POP1: variants seen among roughly 807,000 people sequenced by gnomAD.
The protein encoded by POP1 is ribonucleases P/MRP protein subunit POP1.
In POP1, 75 loss-of-function variants were observed where a neutral mutation model predicts 102.2. The observed-to-expected ratio is 0.73, with a 90% CI of 0.61 to 0.89. POP1 has a LOEUF of 0.89. Ranked by LOEUF, POP1 falls within the 40% of genes least tolerant of loss-of-function variation. The pLI is 0.00. For missense variants in POP1, 1,116 were observed against 1,267.4 expected (o/e 0.88, Z 1.81); for synonymous variants, 436 against 464.1 (o/e 0.94, Z 0.78).
intron 5 of POP1, 132 bp from the exon 6 acceptor site, chr8:98,133,816 TA>T (rs1400501055): frequency 1.3e-6 from 1 of 762,794 alleles, no homozygotes; most frequent in African/African-American, 1.7e-5. Flanking sequence ...GATTTTGACT[TA>T]TGAGAACATA....
chr8:98,150,790 C>T (rs1809494451), intron 14 of POP1, 151 bp downstream of exon 14: 2 of 822,406 alleles, frequency 2.4e-6, no homozygotes, highest in Admixed American at 2.7e-5. Context: ...GAAGATATTA[C>T]TTAAGTGAGG....
chr8:98,158,474 G>A lies in POP1; in HGVS notation c.*203G>A, dbSNP rs1474280489. Reference sequence around the variant, plus strand: ...ATTTTCATCTTTCCCTGTCCTTGCTGTAATACTTTTAAATTATTTGGCCAA... The same window carrying A: ...ATTTTCATCTTTCCCTGTCCTTGCTATAATACTTTTAAATTATTTGGCCAA... On this transcript the variant is annotated 3_prime_UTR_variant, in exon 16 of 16. Coordinates refer to ENST00000401707, the MANE Select transcript of POP1 (RefSeq NM_001145860.2). 3.2e-6 allele frequency: 2 copies of A among 619,968 alleles called. No individual in the cohort carries two copies. Among genetic ancestry groups the A allele is most frequent in the African/African-American group, 3.7e-5 (2 of 54,196 alleles). 38.4% of individuals were successfully genotyped at this position (619,968 alleles called of 1,614,324 possible).
chr8:98,132,906 C>CA (rs11308385), intron 5 of POP1, among the ~76,000 whole-genome samples: 145 of 12,272 alleles, frequency 0.012, 14 homozygotes, highest in Non-Finnish European at 0.014. Flanking sequence ...TCTGTCTCTG[C>CA]AAAAAAAAAA....
In POP1 at chr8:98,128,490, CACA is replaced by C. The variant is rs778704972; in HGVS notation, c.439_441del (p.Asn147del). 2 of 1,613,984 alleles carry C rather than the reference CACA, an allele frequency of 1.2e-6. No individual in the cohort carries two copies. The highest frequency in any genetic ancestry group is 1.7e-6 in the Non-Finnish European group (2 of 1,179,890). On this transcript the variant is annotated inframe_deletion, in exon 4 of 16. Transcript: ENST00000401707. The stretch of plus-strand genomic sequence containing the variant: ...GCACATGCGACGAAGAGCCATGAGC[CACA>C]ACGTCAAACGCCTTCCCAGACGGTT...
intron 14 of POP1, 111 bp from the exon 15 acceptor site, chr8:98,155,939 G>T (rs1586253957): frequency 2.3e-6 from 2 of 864,290 alleles, no homozygotes; most frequent in East Asian, 5.4e-5. Flanking sequence ...GTGTGTGTGT[G>T]TGTGTGTGTG....
intron 7 of POP1, 78 bp from the exon 8 acceptor site, chr8:98,136,401 TAAA>T: frequency 9.0e-7 from 1 of 1,107,488 alleles, no homozygotes; most frequent in Non-Finnish European, 1.2e-6. Context: ...TAAAGAGATT[TAAA>T]AAAAAAAACC....
chr8:98,153,718 AG>A (rs1438713213), intron 14 of POP1, among the ~76,000 whole-genome samples: 1 of 151,564 alleles, frequency 6.6e-6, no homozygotes, highest in Non-Finnish European at 1.5e-5. Flanking sequence ...TTGTATTTTT[AG>A]TAGAAATCAG....
chr8:98,123,488 C>T lies in POP1; in HGVS notation c.142+9C>T. The T allele has an allele frequency of 1.2e-6, 2 of 1,612,472 alleles. No homozygotes were observed. Among genetic ancestry groups the T allele is most frequent in the Non-Finnish European group, 8.5e-7 (1 of 1,178,972 alleles). ...CCAAGCTCAAAAACAAGGTAAAATA[C>T]ACATAAGAGACCAGGCATGGTGGCT... On this transcript the variant is annotated intron_variant, in intron 2 of 15. Transcript: ENST00000401707.
At position 98,157,505 on chromosome 8, in the gene POP1, T is replaced by C. The variant is rs945484363; in HGVS notation, c.2421-112T>C. 11 of 1,273,516 alleles carry C rather than the reference T, an allele frequency of 8.6e-6. No homozygotes were observed. The African/African-American group carries it at 1.2e-4, about 14-fold the overall frequency. 78.9% of individuals were successfully genotyped at this position (1,273,516 alleles called of 1,614,324 possible). A position where few individuals can be genotyped will look rare whatever the true frequency, so the allele number is the denominator to read the frequency against. ...AATTTTTAAAAAATTGTAGTTTTGATTCTTATATAGTATAAAAGAATCAAA... is the reference window on the plus strand; with the variant it reads ...AATTTTTAAAAAATTGTAGTTTTGACTCTTATATAGTATAAAAGAATCAAA... On this transcript the variant is annotated intron_variant, in intron 15 of 15. Coordinates refer to ENST00000401707, the MANE Select transcript of POP1 (RefSeq NM_001145860.2).
chr8:98,133,975 G>C lies in POP1; in HGVS notation c.762G>C (p.Glu254Asp), dbSNP rs758212536. 2 of 1,613,382 alleles carry C rather than the reference G, an allele frequency of 1.2e-6. No individual in the cohort carries two copies. Among genetic ancestry groups the C allele is most frequent in the Non-Finnish European group, 1.7e-6 (2 of 1,179,466 alleles). ...ATTTATCCTATTACTGTTGTTTGGA[G>C]TTGAAAGGCAAAGAGGAAGAAATAC... ...LQDLSYYCCL[E>D]LKGKEEEILK... The change falls in exon 6 of 16, where the codon GAG (glutamate) becomes GAC (aspartate). Residue 254 changes from glutamate to aspartate, a missense_variant. By Grantham distance (45) the Glu-to-Asp change is conservative. Transcript: ENST00000401707.
chr8:98,118,156 C>T (rs1268934976), intron 1 of POP1, among the ~76,000 whole-genome samples: 3 of 152,166 alleles, frequency 2.0e-5, no homozygotes, highest in African/African-American at 7.2e-5. Context: ...TTCCTACTTC[C>T]GGCTCAGGAA....
chr8:98,120,006 C>T (rs559461820), intron 1 of POP1, among the ~76,000 whole-genome samples: 2 of 152,324 alleles, frequency 1.3e-5, no homozygotes, highest in Non-Finnish European at 2.9e-5. Flanking sequence ...CAGGGATGTT[C>T]CCAAGGTTAT....
intron 1 of POP1, among the ~76,000 whole-genome samples, chr8:98,122,367 A>G (rs554187336): frequency 3.3e-5 from 5 of 152,328 alleles, no homozygotes; most frequent in African/African-American, 1.2e-4. Flanking sequence ...TATAGGTAGA[A>G]GTAAAGACTG....
chr8:98,130,306 G>A, intron 5 of POP1, 80 bp downstream of exon 5: 2 of 1,563,878 alleles, frequency 1.3e-6, no homozygotes, highest in Non-Finnish European at 1.8e-6. Flanking sequence ...TTTATGATGT[G>A]CCAAGCCCCG....
At chr8:98,155,879 A>C in intron 14 of POP1, 171 bp from the exon 15 acceptor site, 43 of 681,158 alleles carry the variant, frequency 6.3e-5, no homozygotes, top group East Asian at 1.3e-4. Flanking sequence ...CCAGCCTATT[A>C]TTCTTTATCA....
chr8:98,148,925 T>C lies in POP1; in HGVS notation c.1821T>C (p.Thr607=). ...ILLIQQPGKV[T]GEDRLGWGSG... ...TGATTCAGCAGCCAGGAAAAGTGAC[T>C]GGTGAAGATCGACTAGGCTGGGGAA... The change falls in exon 13 of 16, where the codon ACT becomes ACC. Residue 607 remains threonine (T), a synonymous_variant. Transcript: ENST00000401707. 1 of 1,613,970 alleles carries C rather than the reference T, an allele frequency of 6.2e-7. No individual in the cohort carries two copies. Among genetic ancestry groups the C allele is most frequent in the Non-Finnish European group, 8.5e-7 (1 of 1,179,898 alleles).
intron 14 of POP1, among the ~76,000 whole-genome samples, chr8:98,153,531 C>CCCTTTTTTTT (rs1430760385): frequency 3.9e-4 from 32 of 81,226 alleles, no homozygotes; most frequent in African/African-American, 1.2e-3. Flanking sequence ...ACAGTTCTGA[C>CCCTTTTTTTT]TCTTTTTTTT....
Position 98,128,267 on chromosome 8 carries a change from T to G in POP1, c.311-98T>G. 2.6e-6 allele frequency: 3 copies of G among 1,171,346 alleles called. No individual in the cohort carries two copies. In the South Asian group the frequency reaches 3.8e-5, roughly 15 times the overall value. The allele number at this position is 1,171,346 out of a possible 1,614,324, so 72.6% of individuals were successfully genotyped here. A position where few individuals can be genotyped will look rare whatever the true frequency, so the allele number is the denominator to read the frequency against. ...CTTTCTGGTCTCTCTTTACGCCTTC[T>G]TGGTGGAGGAATTCAGTTAAGTTTC... is the stretch of plus-strand genomic sequence containing the variant. On this transcript the variant is annotated intron_variant, in intron 3 of 15. Transcript: ENST00000401707.
chr8:98,121,641 C>T (rs1228652383), intron 1 of POP1, among the ~76,000 whole-genome samples: 2 of 151,576 alleles, frequency 1.3e-5, no homozygotes, highest in East Asian at 3.9e-4. Context: ...TCGCAGCCTC[C>T]CGAATAGCTG....
Sources: allele counts gnomAD v4.1 joint callset (sites outside exome capture counted in the v4.1 genomes callset), GRCh38; gene constraint gnomAD v4.1.1; transcripts MANE v1.5; gene names NCBI Gene and HGNC (gene_info 2026-07-23, HGNC 2026-07-21).